The following MAPK6 variants were observed in gnomAD, a reference collection of about 807,000 sequenced individuals.
MAPK6 encodes ERK-3.
A neutral mutation model predicts 59.3 loss-of-function variants in MAPK6; 19 were observed. The ratio of observed to expected loss-of-function variants is 0.32; its 90% CI spans 0.22 to 0.47. The LOEUF is 0.47. Among genes scored for constraint, MAPK6 ranks in the 20% least tolerant of loss-of-function variants. MAPK6 has a pLI of 1.00. For synonymous variants in MAPK6, 316 were observed against 290.3 expected, an observed-to-expected ratio of 1.09 and a Z score of -0.90; for missense variants, 724 against 847.9, an observed-to-expected ratio of 0.85 and a Z score of 1.81.
At chr15:51,981,562 C>A (rs1042915407) in intron 1 of MAPK6, among the ~76,000 whole-genome samples, 1 of 152,096 alleles carries the variant, frequency 6.6e-6, no homozygotes, top group Admixed American at 6.6e-5. Context: ...GAAATTATTT[C>A]TTAGGACAGA....
chr15:51,997,039 G>T (rs1181529633), intron 2 of MAPK6, among the ~76,000 whole-genome samples: 1 of 151,694 alleles, frequency 6.6e-6, no homozygotes, highest in Non-Finnish European at 1.5e-5. Context: ...GAGTGCAGTG[G>T]CACAATCTCA....
At chr15:51,980,966 A>T (rs1233531139) in intron 1 of MAPK6, among the ~76,000 whole-genome samples, 1 of 151,644 alleles carries the variant, frequency 6.6e-6, no homozygotes, top group African/African-American at 2.4e-5. Context: ...GACAGAAAAC[A>T]TACTTCCCAT....
intron 2 of MAPK6, among the ~76,000 whole-genome samples, chr15:51,996,362 C>T (rs2057224200): frequency 6.6e-6 from 1 of 152,008 alleles, no homozygotes; most frequent in African/African-American, 2.4e-5. Context: ...TTGGCTGTGT[C>T]CCCTGGTGGA....
intron 3 of MAPK6, chr15:52,056,640 CT>C: frequency 6.6e-6 from 1 of 152,344 alleles, no homozygotes; most frequent in Non-Finnish European, 1.5e-5. Context: ...TCTTCAGGTG[CT>C]TTTTCACCTG....
chr15:52,014,334 T>G (rs140554548), upstream of MAPK6, among the ~76,000 whole-genome samples: 1 of 152,312 alleles, frequency 6.6e-6, no homozygotes, highest in East Asian at 1.9e-4. Context: ...TATAAATACA[T>G]TTTACATTAT....
At chr15:52,030,762 G>A (rs2030998292) in intron 1 of MAPK6, among the ~76,000 whole-genome samples, 1 of 151,250 alleles carries the variant, frequency 6.6e-6, no homozygotes, top group Non-Finnish European at 1.5e-5. Flanking sequence ...GAGTAGCTGG[G>A]ACTACAGGCG....
intron 3 of MAPK6, among the ~76,000 whole-genome samples, chr15:52,005,272 C>T (rs1417119383): frequency 6.6e-6 from 1 of 152,046 alleles, no homozygotes; most frequent in Non-Finnish European, 1.5e-5. Flanking sequence ...TGCCTGTAAT[C>T]CCAGCACTTT....
intron 1 of MAPK6, among the ~76,000 whole-genome samples, chr15:52,028,903 A>G (rs116104035): frequency 1.6e-3 from 241 of 152,288 alleles, no homozygotes; most frequent in African/African-American, 5.7e-3. Context: ...AGTGGTTTCT[A>G]TTTACTAAAT....
At chr15:52,022,833 G>T (rs1004782551) in intron 1 of MAPK6, among the ~76,000 whole-genome samples, 1 of 152,006 alleles carries the variant, frequency 6.6e-6, no homozygotes, top group Non-Finnish European at 1.5e-5. Context: ...AACTGAGGCC[G>T]GGGGCAGTGG....
intron 1 of MAPK6, among the ~76,000 whole-genome samples, chr15:52,023,814 T>C (rs1248381398): frequency 1.3e-5 from 2 of 152,110 alleles, no homozygotes; most frequent in Non-Finnish European, 2.9e-5. Flanking sequence ...AGGGTTTCAT[T>C]ATGTTGGCCA....
chr15:52,062,986 ATGTTGATGTATTGG>A (rs2032264248), intron 5 of MAPK6, among the ~76,000 whole-genome samples: 1 of 152,048 alleles, frequency 6.6e-6, no homozygotes, highest in Admixed American at 6.5e-5. Context: ...CCCTCCTCAA[ATGTTGATGTATTGG>A]TATGGTATGT....
intron 1 of MAPK6, among the ~76,000 whole-genome samples, chr15:52,022,615 A>G (rs1044261469): frequency 2.6e-5 from 4 of 152,052 alleles, no homozygotes; most frequent in Admixed American, 6.6e-5. Context: ...TTGGAAGAGT[A>G]TTGCATGATT....
intron 1 of MAPK6, among the ~76,000 whole-genome samples, chr15:52,034,448 G>C (rs895796183): frequency 6.6e-6 from 1 of 151,882 alleles, no homozygotes; most frequent in Non-Finnish European, 1.5e-5. Flanking sequence ...AAGTAGCTGG[G>C]ACAGGCGCAT....
chr15:52,029,263 T>C (rs59637528), intron 1 of MAPK6, among the ~76,000 whole-genome samples: 1,651 of 152,266 alleles, frequency 0.011, 35 homozygotes, highest in African/African-American at 0.038. Context: ...GTCTCGGAAC[T>C]CCTGACCTCA....
In MAPK6 at chr15:51,976,116, A is replaced by G. The variant is rs904289798; in HGVS notation, c.-880+4210A>G. Among the ~76,000 whole-genome samples, 26 of 149,272 alleles carry G rather than the reference A, an allele frequency of 1.7e-4. 1 individual carries two copies. The highest frequency in any genetic ancestry group is 6.4e-4 in the African/African-American group (25 of 39,284). Reference sequence around the variant, plus strand: ...CCCATCTGTACTAAAAATATAAAAAATTTGCCGGGCGTGGTGGCACATGCC... The same window carrying G: ...CCCATCTGTACTAAAAATATAAAAAGTTTGCCGGGCGTGGTGGCACATGCC... On this transcript the variant is annotated intron_variant, in intron 1 of 7. Coordinates refer to the MAPK6 transcript ENST00000691380.
intron 1 of MAPK6, among the ~76,000 whole-genome samples, chr15:52,023,153 A>G (rs1203721438): frequency 1.3e-5 from 2 of 149,482 alleles, no homozygotes; most frequent in Admixed American, 1.3e-4. Context: ...AAATAACTGG[A>G]TATCTTAGCC....
In MAPK6 at chr15:51,998,760, G is replaced by C. The variant is rs543535870; in HGVS notation, c.-769-5505G>C. On this transcript the variant is annotated intron_variant, in intron 2 of 7. Coordinates refer to the MAPK6 transcript ENST00000691380. The stretch of plus-strand genomic sequence containing the variant: ...GGCTGGAGTGCAGTGGCGCAATCTC[G>C]GCCCACTGCAAGCTCCGCCTCCTGG... 1.6e-3 allele frequency among the ~76,000 whole-genome samples: 209 copies of C among 129,216 alleles called. 1 individual carries two copies. Among genetic ancestry groups the C allele is most frequent in the African/African-American group, 5.7e-3 (195 of 34,102 alleles). 84.8% of individuals were successfully genotyped at this position (129,216 alleles called of 152,430 possible). A position where few individuals can be genotyped will look rare whatever the true frequency, so the allele number is the denominator to read the frequency against.
intron 3 of MAPK6, among the ~76,000 whole-genome samples, chr15:52,008,901 G>A (rs894111657): frequency 3.3e-5 from 5 of 152,156 alleles, no homozygotes; most frequent in Non-Finnish European, 7.3e-5. Flanking sequence ...ATCAGTTTCT[G>A]GGGATGATGA....
chr15:52,038,633 G>A (rs549686311), intron 1 of MAPK6, among the ~76,000 whole-genome samples: 2 of 152,228 alleles, frequency 1.3e-5, no homozygotes, highest in Admixed American at 1.3e-4. Flanking sequence ...ATCCTCAGGT[G>A]TCCAAAGGTG....
Sources: allele counts gnomAD v4.1 joint callset (sites outside exome capture counted in the v4.1 genomes callset), GRCh38; gene constraint gnomAD v4.1.1; transcripts MANE v1.5; gene names NCBI Gene and HGNC (gene_info 2026-07-23, HGNC 2026-07-21).